Variants in NRXN1 observed in about 807,000 individuals in gnomAD.
NRXN1 encodes neurexin-1.
A neutral mutation model predicts 150.9 loss-of-function variants in NRXN1; 39 were observed. The ratio of observed to expected loss-of-function variants is 0.26; its 90% CI spans 0.20 to 0.34. The LOEUF is 0.34. Ranked by LOEUF, NRXN1 falls within the 10% of genes least tolerant of loss-of-function variation. The pLI is 1.00. For missense variants in NRXN1, 1,815 were observed against 1,949.9 expected, an observed-to-expected ratio of 0.93 and a Z score of 1.30; for synonymous variants, 924 against 757.0, an observed-to-expected ratio of 1.22 and a Z score of -3.62.
intron 17 of NRXN1, among the ~76,000 whole-genome samples, chr2:50,301,292 G>A (rs182418475): frequency 2.6e-5 from 4 of 152,220 alleles, no homozygotes; most frequent in Non-Finnish European, 2.9e-5. Flanking sequence ...CATTACATAA[G>A]ACTATAATTT....
chr2:50,439,311 T>TG (rs973868468), intron 17 of NRXN1, among the ~76,000 whole-genome samples: 6 of 152,214 alleles, frequency 3.9e-5, no homozygotes, highest in African/African-American at 1.4e-4. Context: ...AACAGTGCAC[T>TG]AAGTTTTAGA....
At chr2:50,739,432 T>C (rs1400870025) in intron 5 of NRXN1, among the ~76,000 whole-genome samples, 4 of 152,272 alleles carry the variant, frequency 2.6e-5, no homozygotes, top group South Asian at 4.1e-4. Flanking sequence ...AAAATGTCTA[T>C]TATGCATCAA....
chr2:50,890,947 C>A (rs929632679), intron 5 of NRXN1, among the ~76,000 whole-genome samples: 1 of 151,830 alleles, frequency 6.6e-6, no homozygotes, highest in African/African-American at 2.4e-5. Context: ...ATATTTAATG[C>A]CTTAACCAAA....
rs557679970 is a variant in NRXN1, at chr2:50,191,252, C to A, written c.3546+45537G>T. ...ACGGGGTTTCACTATGTTGGCCAGG[C>A]TGATCTCTAACTCCTGACCTCAAAT... is the stretch of plus-strand genomic sequence containing the variant. On this transcript the variant is annotated intron_variant, in intron 18 of 22. Coordinates refer to ENST00000401669, the MANE Select transcript of NRXN1 (RefSeq NM_001330078.2). Among the ~76,000 whole-genome samples the A allele has an allele frequency of 2.0e-5, 3 of 149,482 alleles. No individual in the cohort carries two copies. The South Asian group carries it at 6.3e-4, about 31-fold the overall frequency.
Position 51,027,267 on chromosome 2 carries a change from A to G in NRXN1, c.772+235T>C, listed in dbSNP as rs1670646024. On this transcript the variant is annotated intron_variant, in intron 2 of 22. Transcript: ENST00000401669. ...TTGGAAGGGAGTAGTGTTGGTAGAA[A>G]GGTCTCCAGAAGGAACTCAAACTTG... 2.0e-5 allele frequency among the ~76,000 whole-genome samples: 3 copies of G among 152,182 alleles called. No individual in the cohort carries two copies. In the South Asian group the frequency reaches 6.2e-4, roughly 31 times the overall value.
At chr2:50,928,595 A>G (rs550491830) in intron 2 of NRXN1, among the ~76,000 whole-genome samples, 3 of 152,082 alleles carry the variant, frequency 2.0e-5, no homozygotes, top group Non-Finnish European at 4.4e-5. Context: ...AGAATAGTTT[A>G]TCTCCTCATA....
intron 21 of NRXN1, among the ~76,000 whole-genome samples, chr2:50,029,724 T>C (rs1223018175): frequency 6.6e-6 from 1 of 152,166 alleles, no homozygotes; most frequent in African/African-American, 2.4e-5. Flanking sequence ...GCCCAGTCTG[T>C]GGTGGCCCAA....
chr2:50,974,275 T>C (rs376475917), intron 2 of NRXN1, among the ~76,000 whole-genome samples: 4 of 152,170 alleles, frequency 2.6e-5, no homozygotes, highest in African/African-American at 4.8e-5. Flanking sequence ...TTCTATTCCA[T>C]GTTATTCTCA....
chr2:50,540,971 T>C (rs750465519), intron 9 of NRXN1, among the ~76,000 whole-genome samples: 8 of 152,134 alleles, frequency 5.3e-5, no homozygotes, highest in Non-Finnish European at 5.9e-5. Flanking sequence ...CAAAGTGACA[T>C]GTTCTTAAAT....
At chr2:50,387,524 T>C (rs1217682556) in intron 17 of NRXN1, among the ~76,000 whole-genome samples, 1 of 152,186 alleles carries the variant, frequency 6.6e-6, no homozygotes, top group Non-Finnish European at 1.5e-5. Flanking sequence ...CCTTTAAAAA[T>C]ATATAACTGT....
intron 5 of NRXN1, among the ~76,000 whole-genome samples, chr2:50,855,965 T>C (rs1000281810): frequency 2.6e-5 from 4 of 151,634 alleles, no homozygotes; most frequent in African/African-American, 7.3e-5. Context: ...TAAAATCCTA[T>C]GTCTTTCTAA....
At chr2:50,410,479 T>C (rs939322845) in intron 17 of NRXN1, among the ~76,000 whole-genome samples, 4 of 152,208 alleles carry the variant, frequency 2.6e-5, no homozygotes, top group African/African-American at 9.7e-5. Flanking sequence ...TGTACACTCT[T>C]GTTGTATGTT....
intron 18 of NRXN1, among the ~76,000 whole-genome samples, chr2:50,165,034 C>A (rs2059590561): frequency 6.6e-6 from 1 of 152,086 alleles, no homozygotes; most frequent in Non-Finnish European, 1.5e-5. Context: ...ACTCTCCAAA[C>A]AATCTATCCT....
At chr2:51,000,347 C>T (rs535950999) in intron 2 of NRXN1, among the ~76,000 whole-genome samples, 1 of 152,064 alleles carries the variant, frequency 6.6e-6, no homozygotes, top group African/African-American at 2.4e-5. Context: ...TTATACATAA[C>T]ACTCCTATTG....
chr2:50,000,285 A>G (rs1421582), intron 21 of NRXN1, among the ~76,000 whole-genome samples: 72,220 of 152,026 alleles, frequency 0.48, 17,732 homozygotes, highest in Middle Eastern at 0.62. Context: ...CATCTACTGG[A>G]AAAGAATAAA....
chr2:49,973,761 C>T (rs1247179127), intron 21 of NRXN1: 1 of 546,576 alleles, frequency 1.8e-6, no homozygotes, highest in Non-Finnish European at 3.2e-6. Flanking sequence ...AAATTTAAAA[C>T]AACCTTTCCA....
At chr2:50,743,393 AT>A (rs199504328) in intron 5 of NRXN1, among the ~76,000 whole-genome samples, 2 of 152,124 alleles carry the variant, frequency 1.3e-5, no homozygotes, top group Non-Finnish European at 2.9e-5. Flanking sequence ...ACTGCTCAGC[AT>A]TTTTTTGTCA....
intron 5 of NRXN1, chr2:50,920,085 G>T: frequency 3.8e-6 from 1 of 265,680 alleles, no homozygotes; most frequent in South Asian, 3.5e-5. Flanking sequence ...GTACCAATGT[G>T]ATTTGCAAAA....
At position 50,501,630 on chromosome 2, in the gene NRXN1, T is replaced by TAC. The variant is rs545435834; in HGVS notation, c.2498-3918_2498-3917dup. 6.4e-3 allele frequency among the ~76,000 whole-genome samples: 947 copies of TAC among 147,674 alleles called. 6 individuals are homozygous for TAC. The highest frequency in any genetic ancestry group is 0.01 in the Non-Finnish European group (693 of 66,436). Reference sequence around the variant, plus strand: ...GGTGAATGTTGTTCCATAAAGGACATACACACACAGATTAAAAAAAAAAAA... The same window carrying TAC: ...GGTGAATGTTGTTCCATAAAGGACATACACACACACAGATTAAAAAAAAAAAA... On this transcript the variant is annotated intron_variant, in intron 13 of 22. Coordinates refer to ENST00000401669, the MANE Select transcript of NRXN1 (RefSeq NM_001330078.2).
Sources: allele counts gnomAD v4.1 joint callset (sites outside exome capture counted in the v4.1 genomes callset), GRCh38; gene constraint gnomAD v4.1.1; transcripts MANE v1.5; gene names NCBI Gene and HGNC (gene_info 2026-07-23, HGNC 2026-07-21).